BZW2: variants seen among roughly 807,000 people sequenced by gnomAD.
BZW2 encodes the protein basic leucine zipper and W2 domains 2.
A neutral mutation model predicts 53.2 loss-of-function variants in BZW2; 23 were observed. That is an observed-to-expected ratio of 0.43 (90% CI 0.31 to 0.61). The LOEUF (loss-of-function observed/expected upper bound fraction) is 0.61. Among genes scored for constraint, BZW2 ranks in the 20% least tolerant of loss-of-function variants. The probability of loss-of-function intolerance (pLI) is 0.09; values close to 1 mark genes in which losing one functional copy is unlikely to be tolerated. For missense variants in BZW2, 409 were observed against 503.1 expected, an observed-to-expected ratio of 0.81 and a Z score of 1.79; for synonymous variants, 227 against 186.4, an observed-to-expected ratio of 1.22 and a Z score of -1.77.
chr7:16,656,680 T>C (rs566433505), intron 1 of BZW2, among the ~76,000 whole-genome samples: 4 of 152,318 alleles, frequency 2.6e-5, no homozygotes, highest in East Asian at 3.9e-4. Context: ...TCTAATTCAA[T>C]GTTTCATTCT....
intron 1 of BZW2, among the ~76,000 whole-genome samples, chr7:16,654,410 A>G (rs1782068061): frequency 6.6e-6 from 1 of 152,084 alleles, no homozygotes; most frequent in Non-Finnish European, 1.5e-5. Context: ...GAATCAAGTT[A>G]TATAACTCCA....
chr7:16,704,460 T>G, intron 10 of BZW2, 87 bp from the exon 11 acceptor site: 1 of 1,286,660 alleles, frequency 7.8e-7, no homozygotes, highest in Non-Finnish European at 1.0e-6. Flanking sequence ...TTAAAATGAT[T>G]GCTTTCTATT....
At chr7:16,665,350 C>T in intron 1 of BZW2, 87 bp from the exon 2 acceptor site, 3 of 1,485,580 alleles carry the variant, frequency 2.0e-6, no homozygotes, top group South Asian at 2.3e-5. Context: ...TGAGGTTGAA[C>T]ATATGTTCAA....
chr7:16,665,650 C>A, intron 2 of BZW2, 149 bp downstream of exon 2: 1 of 1,309,872 alleles, frequency 7.6e-7, no homozygotes. Flanking sequence ...TTTAGTGAAA[C>A]CATAGAACTG....
intron 7 of BZW2, among the ~76,000 whole-genome samples, chr7:16,692,378 A>G (rs1256415303): frequency 6.6e-6 from 1 of 152,186 alleles, no homozygotes; most frequent in African/African-American, 2.4e-5. Context: ...AACCAAACCA[A>G]CAGACCCTTT....
chr7:16,665,349 A>ACATATGTTCAACCAAACTTATTGGC, intron 1 of BZW2, 88 bp from the exon 2 acceptor site: 2 of 1,494,820 alleles, frequency 1.3e-6, no homozygotes, highest in Non-Finnish European at 1.9e-6. Context: ...GTGAGGTTGA[A>ACATATGTTCAACCAAACTTATTGGC]CATATGTTCA....
chr7:16,679,949 C>T (rs1782887862), intron 3 of BZW2, among the ~76,000 whole-genome samples: 1 of 152,050 alleles, frequency 6.6e-6, no homozygotes, highest in African/African-American at 2.4e-5. Flanking sequence ...ACAGGAGGAC[C>T]CTTTGAATAT....
At chr7:16,656,555 GCACA>G (rs376412401) in intron 1 of BZW2, among the ~76,000 whole-genome samples, 19,057 of 141,126 alleles carry the variant, frequency 0.14, 1,156 homozygotes, top group East Asian at 0.2. Flanking sequence ...GCGCGCGCGC[GCACA>G]CACACACACA....
intron 4 of BZW2, 66 bp downstream of exon 4, chr7:16,681,470 A>G: frequency 1.6e-6 from 2 of 1,285,182 alleles, no homozygotes; most frequent in South Asian, 1.3e-5. Context: ...GAAGCTCTAC[A>G]GTCCACCCAC....
intron 5 of BZW2, among the ~76,000 whole-genome samples, chr7:16,685,181 G>T (rs1399151742): frequency 6.6e-6 from 1 of 152,176 alleles, no homozygotes; most frequent in African/African-American, 2.4e-5. Flanking sequence ...TTTAATACAG[G>T]AAGTGGGTTT....
chr7:16,701,716 A>G (rs759753690), intron 10 of BZW2, among the ~76,000 whole-genome samples: 1 of 152,222 alleles, frequency 6.6e-6, no homozygotes, highest in Non-Finnish European at 1.5e-5. Flanking sequence ...CATCAAGTTA[A>G]CAAATTTATT....
intron 2 of BZW2, among the ~76,000 whole-genome samples, chr7:16,667,531 T>C (rs1782467444): frequency 6.6e-6 from 1 of 152,210 alleles, no homozygotes; most frequent in Admixed American, 6.5e-5. Flanking sequence ...GCCTGTGTTC[T>C]CTTGCAGTGC....
chr7:16,647,980 A>G (rs1234621283), intron 1 of BZW2, among the ~76,000 whole-genome samples: 1 of 152,208 alleles, frequency 6.6e-6, no homozygotes, highest in East Asian at 1.9e-4. Flanking sequence ...GCCTTATGAC[A>G]CTTGGTTGGT....
rs1445538972 is a variant in BZW2 at position 16,706,099 on chromosome 7, A to T, written c.*11A>T. On this transcript the variant is annotated 3_prime_UTR_variant, in exon 12 of 12. Coordinates refer to ENST00000258761, the MANE Select transcript of BZW2 (RefSeq NM_014038.3). Reference sequence around the variant, plus strand: ...GGTGAGGAAAATTAAATGGCTCAACAAGCACAATACCTAGGTTACCACACA... The same window carrying T: ...GGTGAGGAAAATTAAATGGCTCAACTAGCACAATACCTAGGTTACCACACA... 3.7e-6 allele frequency: 6 copies of T among 1,613,228 alleles called. No homozygotes were observed. Among genetic ancestry groups the T allele is most frequent in the Non-Finnish European group, 5.1e-6 (6 of 1,179,538 alleles).
At chr7:16,679,385 C>T (rs1782870790) in intron 3 of BZW2, among the ~76,000 whole-genome samples, 2 of 152,190 alleles carry the variant, frequency 1.3e-5, no homozygotes, top group Non-Finnish European at 2.9e-5. Context: ...CCTGACTTCC[C>T]GCAACAGTTC....
At chr7:16,681,077 C>T (rs1271650906) in intron 3 of BZW2, among the ~76,000 whole-genome samples, 1 of 152,078 alleles carries the variant, frequency 6.6e-6, no homozygotes, top group Non-Finnish European at 1.5e-5. Flanking sequence ...GCACAATTGT[C>T]ACAGCCTGGG....
intron 1 of BZW2, among the ~76,000 whole-genome samples, chr7:16,664,443 A>G (rs1782358807): frequency 6.6e-6 from 1 of 152,232 alleles, no homozygotes; most frequent in African/African-American, 2.4e-5. Flanking sequence ...AGCCATGTGG[A>G]CAGCTGGGGA....
At chr7:16,684,986 T>G (rs776044452) in intron 5 of BZW2, among the ~76,000 whole-genome samples, 7 of 152,224 alleles carry the variant, frequency 4.6e-5, no homozygotes, top group Admixed American at 1.3e-4. Flanking sequence ...CAGTGAATTT[T>G]GCATTGGCGC....
intron 3 of BZW2, among the ~76,000 whole-genome samples, chr7:16,679,512 A>G (rs1782873900): frequency 6.6e-6 from 1 of 152,252 alleles, no homozygotes; most frequent in Non-Finnish European, 1.5e-5. Context: ...ACTAAACTGT[A>G]TGCTGAAGTC....
Sources: gnomAD v4.1 joint callset for allele counts (sites outside exome capture counted in the v4.1 genomes callset) on GRCh38, gnomAD v4.1.1 for gene constraint, MANE v1.5 for transcripts, NCBI Gene and HGNC (gene_info 2026-07-23, HGNC 2026-07-21) for gene names.